The following PDE10A variants were observed in gnomAD, a reference collection of about 807,000 sequenced individuals.
The protein encoded by PDE10A is phosphodiesterase 10A.
Under a neutral mutation model 97.7 loss-of-function variants are expected in PDE10A, and 39 were observed. The observed-to-expected ratio is 0.40, with a 90% CI of 0.31 to 0.52. PDE10A has a LOEUF of 0.52. PDE10A is among the 20% of genes least tolerant of loss of function. The pLI is 0.56. For missense variants in PDE10A, 731 were observed against 1,047.8 expected, an observed-to-expected ratio of 0.70 and a Z score of 4.17; for synonymous variants, 371 against 376.8, an observed-to-expected ratio of 0.98 and a Z score of 0.18.
Position 165,463,970 on chromosome 6 carries a change from CTT to C in PDE10A, c.1024-13610_1024-13609del, listed in dbSNP as rs1228052389. On this transcript the variant is annotated intron_variant, in intron 3 of 21. Coordinates refer to ENST00000539869, the MANE Select transcript of PDE10A (RefSeq NM_001385079.1). ...ATCCCTTCGTTTCCCATAAGGGATA[CTT>C]TTAGTTAATTTAATATCTATAGAAA... Among the ~76,000 whole-genome samples, 14 of 152,326 alleles carry C rather than the reference CTT, an allele frequency of 9.2e-5. No individual in the cohort carries two copies. In the South Asian group the frequency reaches 2.7e-3, roughly 29 times the overall value.
chr6:165,528,355 G>A (rs1782574951), intron 2 of PDE10A, among the ~76,000 whole-genome samples: 1 of 152,140 alleles, frequency 6.6e-6, no homozygotes, highest in East Asian at 1.9e-4. Context: ...TCGCCCTATG[G>A]GCCAATGAAC....
intron 1 of PDE10A, among the ~76,000 whole-genome samples, chr6:165,713,821 G>A (rs1172208784): frequency 6.6e-6 from 1 of 152,204 alleles, no homozygotes; most frequent in African/African-American, 2.4e-5. Flanking sequence ...ACAGAAGTTT[G>A]AAATGAAAGA....
chr6:165,702,778 C>T (rs1437764579), intron 1 of PDE10A, among the ~76,000 whole-genome samples: 1 of 152,158 alleles, frequency 6.6e-6, no homozygotes, highest in African/African-American at 2.4e-5. Context: ...AGAAGGGATC[C>T]TGCAGTTCCC....
chr6:165,435,402 C>A (rs772455040), intron 5 of PDE10A, 25 bp from the exon 6 acceptor site: 1 of 1,606,900 alleles, frequency 6.2e-7, no homozygotes, highest in Non-Finnish European at 8.5e-7. Context: ...AGATGTTTTA[C>A]AGACTTTCCT....
chr6:165,729,411 G>A (rs1194908746), intron 1 of PDE10A, among the ~76,000 whole-genome samples: 1 of 151,968 alleles, frequency 6.6e-6, no homozygotes, highest in Non-Finnish European at 1.5e-5. Flanking sequence ...CTTAGACATG[G>A]AGAGTTGGAA....
At chr6:165,658,463 G>C (rs1790073470) in intron 1 of PDE10A, among the ~76,000 whole-genome samples, 3 of 152,066 alleles carry the variant, frequency 2.0e-5, no homozygotes, top group African/African-American at 7.2e-5. Flanking sequence ...TATGTCATCA[G>C]AGTAGCTAAC....
At chr6:165,473,174 G>A (rs1457645754) in intron 3 of PDE10A, among the ~76,000 whole-genome samples, 1 of 152,098 alleles carries the variant, frequency 6.6e-6, no homozygotes, top group Non-Finnish European at 1.5e-5. Context: ...ATCATGAAAT[G>A]CTTATAGCAT....
At chr6:165,744,944 A>G (rs1792812491) in intron 1 of PDE10A, among the ~76,000 whole-genome samples, 1 of 152,168 alleles carries the variant, frequency 6.6e-6, no homozygotes, top group African/African-American at 2.4e-5. Flanking sequence ...TTTATTTAAA[A>G]GTATTCATTT....
chr6:165,703,759 G>A (rs1378589975), intron 1 of PDE10A, among the ~76,000 whole-genome samples: 1 of 152,168 alleles, frequency 6.6e-6, no homozygotes, highest in Non-Finnish European at 1.5e-5. Context: ...GCCCTCCATG[G>A]GTCCTCCCAT....
chr6:165,764,330 G>A (rs1777747770), intron 1 of PDE10A, among the ~76,000 whole-genome samples: 2 of 152,136 alleles, frequency 1.3e-5, no homozygotes, highest in Admixed American at 1.3e-4. Context: ...AACCTATTTA[G>A]AAAATCACAC....
intron 13 of PDE10A, among the ~76,000 whole-genome samples, chr6:165,398,096 C>T (rs1483523471): frequency 1.3e-5 from 2 of 152,006 alleles, no homozygotes; most frequent in East Asian, 3.8e-4. Flanking sequence ...TTATTTAATA[C>T]TTTTGGAGAT....
chr6:165,364,334 G>T (rs1287393097), intron 18 of PDE10A, among the ~76,000 whole-genome samples: 1 of 152,102 alleles, frequency 6.6e-6, no homozygotes, highest in Non-Finnish European at 1.5e-5. Context: ...ATCAAGTGAG[G>T]TGGCAGCTAG....
chr6:165,899,706 C>T (rs1360759216), intron 1 of PDE10A, among the ~76,000 whole-genome samples: 1 of 152,204 alleles, frequency 6.6e-6, no homozygotes, highest in East Asian at 1.9e-4. Flanking sequence ...TGACCCGAAG[C>T]TGTGTGCGCT....
intron 1 of PDE10A, among the ~76,000 whole-genome samples, chr6:165,825,318 G>A (rs896159743): frequency 4.6e-5 from 7 of 152,094 alleles, no homozygotes; most frequent in East Asian, 1.9e-4. Flanking sequence ...GGCCAAGTGG[G>A]TCTTTTTCAT....
At chr6:165,357,601 T>C (rs928553467) in intron 18 of PDE10A, among the ~76,000 whole-genome samples, 5 of 152,142 alleles carry the variant, frequency 3.3e-5, no homozygotes, top group Admixed American at 6.5e-5. Context: ...TATAGTAAGC[T>C]GGATTTCTCA....
intron 1 of PDE10A, among the ~76,000 whole-genome samples, chr6:165,864,937 T>C (rs549946903): frequency 6.6e-6 from 1 of 152,388 alleles, no homozygotes; most frequent in South Asian, 2.1e-4. Context: ...ATGAAGATTA[T>C]GTAGGAGCTA....
chr6:165,394,662 G>C (rs827489), intron 15 of PDE10A, among the ~76,000 whole-genome samples: 25,833 of 152,100 alleles, frequency 0.17, 2,534 homozygotes, highest in African/African-American at 0.26. Flanking sequence ...TACAATGGTT[G>C]AACTAATTTA....
chr6:165,746,628 G>A (rs1391177429), intron 1 of PDE10A, among the ~76,000 whole-genome samples: 2 of 152,198 alleles, frequency 1.3e-5, no homozygotes, highest in Non-Finnish European at 2.9e-5. Context: ...TTCTGTGCAC[G>A]CGCAGGGAAG....
chr6:165,642,841 A>G (rs757164107), intron 1 of PDE10A, among the ~76,000 whole-genome samples: 12 of 152,212 alleles, frequency 7.9e-5, no homozygotes, highest in Non-Finnish European at 1.6e-4. Context: ...CCCATCACAC[A>G]TTTTTAAGTT....
Sources: allele counts gnomAD v4.1 joint callset (sites outside exome capture counted in the v4.1 genomes callset), GRCh38; gene constraint gnomAD v4.1.1; transcripts MANE v1.5; gene names NCBI Gene and HGNC (gene_info 2026-07-23, HGNC 2026-07-21).